The following SREK1 variants were observed in gnomAD, a reference collection of about 807,000 sequenced individuals.
SREK1 encodes splicing regulatory glutamine/lysine-rich protein 1.
In SREK1, 13 loss-of-function variants were observed where a neutral mutation model predicts 66.5. The ratio of observed to expected loss-of-function variants is 0.20; its 90% confidence interval spans 0.13 to 0.31. The LOEUF (loss-of-function observed/expected upper bound fraction) is 0.31, where lower values mean the gene tolerates loss of function less well. Ranked by LOEUF, SREK1 falls within the 10% of genes least tolerant of loss-of-function variation. The pLI is 1.00. For synonymous variants in SREK1, 265 were observed against 263.5 expected, an observed-to-expected ratio of 1.01 and a Z score of -0.05; for missense variants, 607 against 769.6, an observed-to-expected ratio of 0.79 and a Z score of 2.50.
At chr5:66,178,085 A>C (rs1264862706) in intron 11 of SREK1, among the ~76,000 whole-genome samples, 1 of 152,072 alleles carries the variant, frequency 6.6e-6, no homozygotes, top group East Asian at 1.9e-4. Context: ...ACTTGGATAA[A>C]TACTTCAAGT....
intron 9 of SREK1, among the ~76,000 whole-genome samples, chr5:66,172,936 T>A (rs1307933078): frequency 6.6e-6 from 1 of 151,336 alleles, no homozygotes; most frequent in Non-Finnish European, 1.5e-5. Flanking sequence ...GTTCAGCGAT[T>A]CTCCTGCCTT....
chr5:66,172,734 A>G (rs1260901091), intron 9 of SREK1, among the ~76,000 whole-genome samples: 1 of 152,104 alleles, frequency 6.6e-6, no homozygotes, highest in African/African-American at 2.4e-5. Flanking sequence ...CCTTGAGAAT[A>G]AAAGATGACT....
At chr5:66,145,021 TG>T (rs1002983929) in intron 1 of SREK1, 2 of 986,410 alleles carry the variant, frequency 2.0e-6, no homozygotes, top group Admixed American at 6.1e-5. Context: ...AAGATGGAAC[TG>T]GGGCTGTGTT....
intron 9 of SREK1, 37 bp from the exon 10 acceptor site, chr5:66,174,909 T>G: frequency 6.3e-7 from 1 of 1,585,556 alleles, no homozygotes. Flanking sequence ...TTTATTTCAA[T>G]TGCTGTTTTT....
chr5:66,149,626 T>G (rs146052872), intron 1 of SREK1, among the ~76,000 whole-genome samples: 139 of 152,352 alleles, frequency 9.1e-4, no homozygotes, highest in African/African-American at 3.2e-3. Flanking sequence ...TAGTGCTTAC[T>G]TAACATTTAC....
Position 66,178,782 on chromosome 5 carries a change from C to T in SREK1, c.1789C>T (p.Pro597Ser), listed in dbSNP as rs201789215. ...VSKEVDDKDA[P>S]RTEENKIQHN... The stretch of plus-strand genomic sequence containing the variant: ...CAAAGAAGTAGATGACAAGGATGCA[C>T]CAAGGACTGAGGAAAACAAAATACA... Residue 597 changes from proline (P) to serine (S), a missense_variant, in exon 12 of 12, where the codon CCA becomes TCA. Pro to Ser is a moderately conservative substitution (Grantham distance 74). This residue lies in a region of SREK1 where 318 missense variants were observed against 310.3 expected (regional missense o/e 1.02). Transcript: ENST00000334121. 134 of 1,612,488 alleles carry T rather than the reference C, an allele frequency of 8.3e-5. No individual in the cohort carries two copies. The highest frequency in any genetic ancestry group is 1.1e-4 in the Non-Finnish European group (131 of 1,179,036).
intron 10 of SREK1, 82 bp from the exon 11 acceptor site, chr5:66,177,432 T>C: frequency 8.9e-7 from 1 of 1,118,832 alleles, no homozygotes; most frequent in Admixed American, 3.1e-5. Context: ...AGATATCCAG[T>C]GTTAGAAAAG....
chr5:66,179,351 A>T lies in SREK1; in HGVS notation c.*483A>T, dbSNP rs891700573. The T allele has an allele frequency of 6.6e-6, 1 of 152,524 alleles. No individual in the cohort carries two copies. The highest frequency in any genetic ancestry group is 2.4e-5 in the African/African-American group (1 of 41,440). The allele number at this position is 152,524 out of a possible 1,614,324, so 9.4% of individuals were successfully genotyped here. ...ATACACACCCTTGTAAGTGCAAAGT[A>T]TGTAAGAAGTTTTAACATTTACTTC... On this transcript the variant is annotated 3_prime_UTR_variant, in exon 12 of 12. Coordinates refer to ENST00000334121, the MANE Select transcript of SREK1 (RefSeq NM_001077199.3).
At position 66,156,241 on chromosome 5, in the gene SREK1, TTTTC is replaced by T. The variant is rs1417909222; in HGVS notation, c.295+2649_295+2652del. The T allele has an allele frequency of 4.6e-6, 6 of 1,299,756 alleles. No homozygotes were observed. In the African/African-American group the frequency reaches 9.2e-5, roughly 20 times the overall value. 80.5% of individuals were successfully genotyped at this position (1,299,756 alleles called of 1,614,324 possible). On this transcript the variant is annotated intron_variant, in intron 2 of 11. Coordinates refer to ENST00000334121, the MANE Select transcript of SREK1 (RefSeq NM_001077199.3). Reference sequence around the variant, plus strand: ...ATTGTTTTACTTTAATTTCATTTCTTTTTCTTTATTTTGTCCCTTTTTTTGTTTT... The same window carrying T: ...ATTGTTTTACTTTAATTTCATTTCTTTTTATTTTGTCCCTTTTTTTGTTTT...
chr5:66,164,775 C>T lies in SREK1; in HGVS notation c.887-8C>T. 6.2e-7 allele frequency: 1 copy of T among 1,613,718 alleles called. No individual in the cohort carries two copies. Among genetic ancestry groups the T allele is most frequent in the East Asian group, 2.2e-5 (1 of 44,868 alleles). On this transcript the variant is annotated splice_polypyrimidine_tract_variant and splice_region_variant and intron_variant, in intron 6 of 11. Transcript: ENST00000334121. ...AGCTTACACTGCAAAGTGATTTTTT[C>T]CTCCCAGAGTCTGGAAAGAGCAATG...
chr5:66,156,545 A>G (rs1010814750), intron 2 of SREK1: 1 of 986,318 alleles, frequency 1.0e-6, no homozygotes, highest in African/African-American at 1.7e-5. Context: ...GTATCTCAGG[A>G]ACACTTTCTG....
At chr5:66,147,245 T>A (rs1043889402) in intron 1 of SREK1, among the ~76,000 whole-genome samples, 2 of 152,174 alleles carry the variant, frequency 1.3e-5, no homozygotes, top group Non-Finnish European at 2.9e-5. Context: ...TTTGTCATCC[T>A]TTTTTTGTGC....
chr5:66,177,232 A>G (rs192197264), intron 10 of SREK1: 6 of 225,218 alleles, frequency 2.7e-5, no homozygotes, highest in African/African-American at 1.4e-4. Context: ...AATATTGAAT[A>G]TTCGAAAACT....
intron 2 of SREK1, chr5:66,157,612 A>C (rs932394752): frequency 1.0e-6 from 1 of 967,540 alleles, no homozygotes; most frequent in Non-Finnish European, 1.2e-6. Context: ...TAACTAATAC[A>C]TATAAAGCAG....
chr5:66,173,649 A>C (rs900993769), intron 9 of SREK1, among the ~76,000 whole-genome samples: 1 of 152,224 alleles, frequency 6.6e-6, no homozygotes, highest in African/African-American at 2.4e-5. Flanking sequence ...GCTAGTAGGT[A>C]TTAGACATCC....
intron 1 of SREK1, among the ~76,000 whole-genome samples, chr5:66,148,511 A>T (rs115026021): frequency 6.6e-6 from 1 of 152,244 alleles, no homozygotes; most frequent in African/African-American, 2.4e-5. Context: ...TGAAAAATTG[A>T]TAAGATTTTG....
intron 9 of SREK1, among the ~76,000 whole-genome samples, chr5:66,173,815 A>G (rs1408703906): frequency 6.6e-6 from 1 of 152,254 alleles, no homozygotes; most frequent in Non-Finnish European, 1.5e-5. Flanking sequence ...AGAGAATGTC[A>G]TTGATGTAAT....
In SREK1 at chr5:66,177,665, A is replaced by G. The variant is rs1279964304; in HGVS notation, c.1725+7A>G. The G allele has an allele frequency of 2.5e-6, 4 of 1,587,476 alleles. No individual in the cohort carries two copies. Among genetic ancestry groups the G allele is most frequent in the Non-Finnish European group, 3.4e-6 (4 of 1,171,032 alleles). ...GAACAGTACTTCACTTAAAGTAAGC[A>G]GCAGTCATTCGGTGTCTGGCACTTG... On this transcript the variant is annotated splice_region_variant and intron_variant, in intron 11 of 11. Transcript: ENST00000334121.
chr5:66,164,065 C>A, intron 6 of SREK1, 143 bp downstream of exon 6: 1 of 1,008,618 alleles, frequency 9.9e-7, no homozygotes, highest in Non-Finnish European at 1.4e-6. Context: ...AAGTAGCATA[C>A]TCATGTCAAA....
Sources: allele counts gnomAD v4.1 joint callset (sites outside exome capture counted in the v4.1 genomes callset), GRCh38; gene constraint gnomAD v4.1.1; regional missense constraint gnomAD v4.1.1; transcripts MANE v1.5; gene names NCBI Gene and HGNC (gene_info 2026-07-23, HGNC 2026-07-21).